The following CLIP1 variants were observed in gnomAD, a reference collection of about 807,000 sequenced individuals.
The protein encoded by CLIP1 is CAP-Gly domain containing linker protein 1, also known as CAP-Gly domain-containing linker protein 1.
Under a neutral mutation model 161.6 loss-of-function variants are expected in CLIP1, and 66 were observed. The observed-to-expected ratio is 0.41, with a 90% CI of 0.33 to 0.50. The LOEUF is 0.50. Ranked by LOEUF, CLIP1 falls within the 20% of genes least tolerant of loss-of-function variation. The pLI is 0.27. For missense variants in CLIP1, 1,376 were observed against 1,702.0 expected (o/e 0.81, Z 3.37); for synonymous variants, 598 against 626.2 (o/e 0.96, Z 0.67).
intron 24 of CLIP1, chr12:122,276,566 C>T: frequency 9.0e-7 from 1 of 1,105,228 alleles, no homozygotes; most frequent in Non-Finnish European, 1.2e-6. Context: ...AATGCTAATC[C>T]ATGGTAAGTT....
rs1234581816 is a variant in CLIP1, at chr12:122,380,538, A to C, written c.-86T>G. ...TGATACAACTGTGGGTTCTATAGTG[A>C]AGTCAGTCTCTGGATTAAATCTGCA... On this transcript the variant is annotated 5_prime_UTR_variant, in exon 2 of 26. Coordinates refer to ENST00000620786, the MANE Select transcript of CLIP1 (RefSeq NM_001247997.2). 2 of 737,700 alleles carry C rather than the reference A, an allele frequency of 2.7e-6. No individual in the cohort carries two copies. The highest frequency in any genetic ancestry group is 4.5e-6 in the Non-Finnish European group (2 of 444,842). The allele number at this position is 737,700 out of a possible 1,614,324, so 45.7% of individuals were successfully genotyped here. A position where few individuals can be genotyped will look rare whatever the true frequency, so the allele number is the denominator to read the frequency against.
upstream of CLIP1, chr12:122,422,739 C>T (rs1957004076): frequency 1.4e-5 from 2 of 138,952 alleles, no homozygotes; most frequent in Admixed American, 7.0e-5. Flanking sequence ...GCCCGGCCGG[C>T]CCGGCCCCTC....
Position 122,416,670 on chromosome 12 carries a change from G to A in CLIP1, c.-107+5851C>T, listed in dbSNP as rs942969084. ...AATCCCAGCACTTTGGGAAGCTGCAGTGGGTAGATCACCTGAGGTCAGGAG... is the reference window on the plus strand; with the variant it reads ...AATCCCAGCACTTTGGGAAGCTGCAATGGGTAGATCACCTGAGGTCAGGAG... On this transcript the variant is annotated intron_variant, in intron 1 of 25. Coordinates refer to ENST00000620786, the MANE Select transcript of CLIP1 (RefSeq NM_001247997.2). Among the ~76,000 whole-genome samples, 9 of 152,126 alleles carry A rather than the reference G, an allele frequency of 5.9e-5. No homozygotes were observed. In the East Asian group the frequency reaches 1.7e-3, roughly 29 times the overall value.
chr12:122,410,696 T>G (rs1469847645), intron 1 of CLIP1, among the ~76,000 whole-genome samples: 1 of 152,066 alleles, frequency 6.6e-6, no homozygotes, highest in Non-Finnish European at 1.5e-5. Context: ...TGACCTCAAG[T>G]GATCTGCCCA....
At chr12:122,415,045 GA>G (rs907609103) in intron 1 of CLIP1, among the ~76,000 whole-genome samples, 2 of 151,948 alleles carry the variant, frequency 1.3e-5, no homozygotes, top group Non-Finnish European at 2.9e-5. Context: ...GCGACGGAGT[GA>G]GACTCTGTCT....
chr12:122,320,118 C>G (rs1361647883), intron 17 of CLIP1, among the ~76,000 whole-genome samples: 1 of 151,808 alleles, frequency 6.6e-6, no homozygotes, highest in Non-Finnish European at 1.5e-5. Context: ...AATAAAAATA[C>G]AAAAAACTAG....
At chr12:122,336,327 A>G (rs970594260) in intron 12 of CLIP1, among the ~76,000 whole-genome samples, 2 of 151,808 alleles carry the variant, frequency 1.3e-5, no homozygotes, top group East Asian at 1.9e-4. Flanking sequence ...TGTTCGATGT[A>G]TAACTTGGAA....
In CLIP1 at chr12:122,340,744, A is replaced by G. The variant is rs371886298; in HGVS notation, c.2451+9T>C. 14 of 1,543,268 alleles carry G rather than the reference A, an allele frequency of 9.1e-6. No homozygotes were observed. In the African/African-American group the frequency reaches 1.9e-4, roughly 21 times the overall value. ...GGAAAAGAAAAGAATGGAGGATGTC[A>G]ATACAAACCTTGCTACTTTCAGCAT... On this transcript the variant is annotated intron_variant, in intron 11 of 25. Transcript: ENST00000620786.
chr12:122,274,330 C>T, intron 24 of CLIP1, 168 bp from the exon 25 acceptor site: 1 of 557,576 alleles, frequency 1.8e-6, no homozygotes, highest in Non-Finnish European at 3.2e-6. Flanking sequence ...GACAGGCATG[C>T]TGAGATTGTG....
At chr12:122,422,231 G>A (rs1956973474) in intron 1 of CLIP1, among the ~76,000 whole-genome samples, 1 of 152,098 alleles carries the variant, frequency 6.6e-6, no homozygotes, top group African/African-American at 2.4e-5. Flanking sequence ...AGGAGTCCAA[G>A]CTCCATCTTG....
chr12:122,317,848 C>T (rs1372650257), intron 18 of CLIP1, among the ~76,000 whole-genome samples: 1 of 152,156 alleles, frequency 6.6e-6, no homozygotes, highest in African/African-American at 2.4e-5. Context: ...TATGGTTCAT[C>T]CAACCCTGAA....
At chr12:122,411,960 A>G (rs941039513) in intron 1 of CLIP1, among the ~76,000 whole-genome samples, 5 of 152,112 alleles carry the variant, frequency 3.3e-5, no homozygotes, top group African/African-American at 1.2e-4. Context: ...AAGTTACTAA[A>G]CTGTATGGCA....
chr12:122,290,865 TTA>T (rs1436897366), intron 20 of CLIP1, among the ~76,000 whole-genome samples: 7 of 150,920 alleles, frequency 4.6e-5, no homozygotes, highest in Non-Finnish European at 1.0e-4. Flanking sequence ...TTTCTTTTTT[TTA>T]TTTTTTTTTA....
At chr12:122,334,521 G>C (rs1019221128) in intron 13 of CLIP1, 127 bp downstream of exon 13, 4 of 665,838 alleles carry the variant, frequency 6.0e-6, no homozygotes, top group Non-Finnish European at 1.0e-5. Flanking sequence ...TTCTGAGCAC[G>C]GCAGGAACTT....
chr12:122,380,535 G>A lies in CLIP1; in HGVS notation c.-83C>T. ...CATTGATACAACTGTGGGTTCTATAGTGAAGTCAGTCTCTGGATTAAATCT... is the reference window on the plus strand; with the variant it reads ...CATTGATACAACTGTGGGTTCTATAATGAAGTCAGTCTCTGGATTAAATCT... On this transcript the variant is annotated 5_prime_UTR_variant, in exon 2 of 26. Coordinates refer to ENST00000620786, the MANE Select transcript of CLIP1 (RefSeq NM_001247997.2). 1.3e-6 allele frequency: 1 copy of A among 755,240 alleles called. No homozygotes were observed. Among genetic ancestry groups the A allele is most frequent in the South Asian group, 1.8e-5 (1 of 54,588 alleles). The allele number at this position is 755,240 out of a possible 1,614,324, so 46.8% of individuals were successfully genotyped here.
intron 1 of CLIP1, among the ~76,000 whole-genome samples, chr12:122,387,569 TATATATATATATATATATA>T (rs1292248720): frequency 1.4e-3 from 11 of 7,804 alleles, no homozygotes; most frequent in East Asian, 7.2e-3. Flanking sequence ...TATATATATA[TATATATATATATATATATA>T]TATTTTTTTT....
At chr12:122,402,634 G>T (rs1956181415) in intron 1 of CLIP1, among the ~76,000 whole-genome samples, 1 of 152,130 alleles carries the variant, frequency 6.6e-6, no homozygotes, top group Non-Finnish European at 1.5e-5. Flanking sequence ...AAATTAGTCG[G>T]ATGTGGTGGT....
chr12:122,333,190 C>T (rs771665049), intron 14 of CLIP1, 47 bp from the exon 15 acceptor site: 1 of 1,371,870 alleles, frequency 7.3e-7, no homozygotes, highest in Non-Finnish European at 1.0e-6. Context: ...GTTATATCAA[C>T]AAAAACTGAC....
At chr12:122,376,387 T>C (rs1178939114) in intron 3 of CLIP1, among the ~76,000 whole-genome samples, 1 of 151,878 alleles carries the variant, frequency 6.6e-6, no homozygotes, top group Non-Finnish European at 1.5e-5. Context: ...TCCTTGTTAG[T>C]ATAGTGGTGA....
Sources: allele counts gnomAD v4.1 joint callset (sites outside exome capture counted in the v4.1 genomes callset), GRCh38; gene constraint gnomAD v4.1.1; transcripts MANE v1.5; gene names NCBI Gene and HGNC (gene_info 2026-07-23, HGNC 2026-07-21).